OR5A1: variants seen among roughly 807,000 people sequenced by gnomAD.
OR5A1 encodes the protein olfactory receptor 5A1.
Under a neutral mutation model 6.7 loss-of-function variants are expected in OR5A1, and 6 were observed. The observed-to-expected ratio is 0.89, with a 90% CI of 0.49 to 1.76. OR5A1 has a LOEUF of 1.76. Among genes scored for constraint, OR5A1 ranks in the 40% most tolerant of loss-of-function variants. The pLI, the probability that OR5A1 is intolerant of heterozygous loss-of-function variation, is 0.01. For synonymous variants in OR5A1, 170 were observed against 155.0 expected (o/e 1.10, Z -0.72); for missense variants, 378 against 381.7 (o/e 0.99, Z 0.08).
chr11:59,438,031 T>C (rs1858439289), intron 1 of OR5A1, among the ~76,000 whole-genome samples: 1 of 152,156 alleles, frequency 6.6e-6, no homozygotes, highest in African/African-American at 2.4e-5. Flanking sequence ...CCCCTTTCTG[T>C]TGCTCTCTCT....
chr11:59,444,171 C>T lies in OR5A1; in HGVS notation c.*55C>T, dbSNP rs1858520914. 7 of 1,203,118 alleles carry T rather than the reference C, an allele frequency of 5.8e-6. No individual in the cohort carries two copies. The South Asian group carries it at 9.4e-5, about 16-fold the overall frequency. The allele number at this position is 1,203,118 out of a possible 1,614,324, so 74.5% of individuals were successfully genotyped here. A position where few individuals can be genotyped will look rare whatever the true frequency, so the allele number is the denominator to read the frequency against. On this transcript the variant is annotated 3_prime_UTR_variant, in exon 2 of 2. Coordinates refer to ENST00000641045, the MANE Select transcript of OR5A1 (RefSeq NM_001004728.2). ...TGCTGGAGAATTAAACAATCCAAGC[C>T]TTCACCTCCACCTCTGCCTCAGGCA...
At chr11:59,441,876 C>T (rs1858483256) in intron 1 of OR5A1, among the ~76,000 whole-genome samples, 1 of 151,120 alleles carries the variant, frequency 6.6e-6, no homozygotes, top group South Asian at 2.1e-4. Context: ...TTAGATGATA[C>T]ATGATGATGA....
rs2060937 is a variant in OR5A1 at position 59,442,218 on chromosome 11, G to A, written c.-33-918G>A. Among the ~76,000 whole-genome samples the A allele has an allele frequency of 4.5e-4, 69 of 152,268 alleles. 1 individual carries two copies. In the South Asian group the frequency reaches 5.4e-3, roughly 12 times the overall value. ...TCCCAGCACTTTGGGAGGCTGAGGC[G>A]GGCGGATCGCCCAAGGTCGTTCGAG... On this transcript the variant is annotated intron_variant, in intron 1 of 1. Transcript: ENST00000641045.
In OR5A1 at chr11:59,450,385, C is replaced by T. The variant is rs1437212260; in HGVS notation, c.*6269C>T. 6.6e-6 allele frequency: 1 copy of T among 152,102 alleles called. No individual in the cohort carries two copies. The highest frequency in any genetic ancestry group is 1.5e-5 in the Non-Finnish European group (1 of 68,018). The allele number at this position is 152,102 out of a possible 1,614,324, so 9.4% of individuals were successfully genotyped here. A position where few individuals can be genotyped will look rare whatever the true frequency, so the allele number is the denominator to read the frequency against. On this transcript the variant is annotated 3_prime_UTR_variant, in exon 2 of 2. Transcript: ENST00000641045. ...ATTCCAGGTTCTCCTCTGGGTGCCT[C>T]CAGCCAATGCCTCATGGAGCCATAA...
rs897724255 is a variant in OR5A1, at chr11:59,446,777, T to C, written c.*2661T>C. 3.3e-5 allele frequency: 5 copies of C among 152,226 alleles called. No homozygotes were observed. The highest frequency in any genetic ancestry group is 1.2e-4 in the African/African-American group (5 of 41,450). The allele number at this position is 152,226 out of a possible 1,614,324, so 9.4% of individuals were successfully genotyped here. ...AACTATTTCTGCTGGTAAATCTCTCTCTCTGGCTACTTGTAACGCATTCAC... is the reference window on the plus strand; with the variant it reads ...AACTATTTCTGCTGGTAAATCTCTCCCTCTGGCTACTTGTAACGCATTCAC... On this transcript the variant is annotated 3_prime_UTR_variant, in exon 2 of 2. Coordinates refer to ENST00000641045, the MANE Select transcript of OR5A1 (RefSeq NM_001004728.2).
In OR5A1 at chr11:59,436,687, T is replaced by C. The variant is rs1386261089; in HGVS notation, c.-182T>C. On this transcript the variant is annotated 5_prime_UTR_variant, in exon 1 of 2. Coordinates refer to ENST00000641045, the MANE Select transcript of OR5A1 (RefSeq NM_001004728.2). ...ATGCACCAAGAGGATATTTTGATCC[T>C]TGATGAAAAAACCAGCCGCAAGCTC... 6.6e-6 allele frequency: 1 copy of C among 152,210 alleles called. No individual in the cohort carries two copies. The allele number at this position is 152,210 out of a possible 1,614,324, so 9.4% of individuals were successfully genotyped here.
intron 1 of OR5A1, among the ~76,000 whole-genome samples, chr11:59,442,630 C>CACA (rs564408472): frequency 7.8e-4 from 119 of 152,270 alleles, no homozygotes; most frequent in African/African-American, 2.7e-3. Flanking sequence ...TTAATCGTTT[C>CACA]ACAACTACAT....
Position 59,446,249 on chromosome 11 carries a change from C to T in OR5A1, c.*2133C>T, listed in dbSNP as rs899889619. ...CCATTTATTAGATAGGGAATCCTTT[C>T]CCCATTGCTTGTCTTTATCAGGTTT... On this transcript the variant is annotated 3_prime_UTR_variant, in exon 2 of 2. Coordinates refer to ENST00000641045, the MANE Select transcript of OR5A1 (RefSeq NM_001004728.2). 1.3e-5 allele frequency: 2 copies of T among 152,146 alleles called. No individual in the cohort carries two copies. The highest frequency in any genetic ancestry group is 2.9e-5 in the Non-Finnish European group (2 of 68,020). 9.4% of individuals were successfully genotyped at this position (152,146 alleles called of 1,614,324 possible).
chr11:59,448,124 G>T lies in OR5A1; in HGVS notation c.*4008G>T, dbSNP rs1467646458. 6.6e-6 allele frequency: 1 copy of T among 152,170 alleles called. No individual in the cohort carries two copies. The highest frequency in any genetic ancestry group is 6.5e-5 in the Admixed American group (1 of 15,274). The allele number at this position is 152,170 out of a possible 1,614,324, so 9.4% of individuals were successfully genotyped here. A position where few individuals can be genotyped will look rare whatever the true frequency, so the allele number is the denominator to read the frequency against. On this transcript the variant is annotated 3_prime_UTR_variant, in exon 2 of 2. Transcript: ENST00000641045. ...TTTGTATTGGTCCACATTCAAAGCC[G>T]TCCTGGGCCGCATGAAGCCCACGGG...
At chr11:59,439,503 C>T (rs1430790312) in intron 1 of OR5A1, among the ~76,000 whole-genome samples, 1 of 152,198 alleles carries the variant, frequency 6.6e-6, no homozygotes, top group African/African-American at 2.4e-5. Flanking sequence ...ATAAAACTTC[C>T]TTTCCCTCTC....
In OR5A1 at chr11:59,443,747, T is replaced by G. The variant is rs1461306009; in HGVS notation, c.579T>G (p.Ser193=). ...CACCAGTCCTGGCTCTGTCTTGCTC[T>G]GACACCTTCCTCAGTCAAGTGGTGA... is the stretch of plus-strand genomic sequence containing the variant. The part of the protein sequence containing the change: ...DLPPVLALSC[S]DTFLSQVVNF... The change falls in exon 2 of 2, where the codon TCT becomes TCG. Residue 193 remains serine (S), a synonymous_variant. Coordinates refer to ENST00000641045, the MANE Select transcript of OR5A1 (RefSeq NM_001004728.2). 6.2e-7 allele frequency: 1 copy of G among 1,614,160 alleles called. No homozygotes were observed. Among genetic ancestry groups the G allele is most frequent in the South Asian group, 1.1e-5 (1 of 91,086 alleles).
intron 1 of OR5A1, among the ~76,000 whole-genome samples, chr11:59,438,760 C>T (rs10792241): frequency 0.92 from 139,487 of 152,234 alleles, 64,635 homozygotes; most frequent in Non-Finnish European, 0.99. Context: ...ACACTTTACA[C>T]AGCAGATTTT....
rs777380839 is a variant in OR5A1 at position 59,443,795 on chromosome 11, C to T, written c.627C>T (p.Val209=). ...TGAATTTCCTCGTGGTGGTCACTGT[C>T]GGAGGAACATCGTTCCTCCAACTCC... ...QVVNFLVVVT[V]GGTSFLQLLI... Residue 209 remains valine, a synonymous_variant, in exon 2 of 2, where the codon GTC becomes GTT. Transcript: ENST00000641045. The T allele has an allele frequency of 5.6e-6, 9 of 1,613,794 alleles. No homozygotes were observed. The highest frequency in any genetic ancestry group is 2.7e-5 in the African/African-American group (2 of 74,890).
In OR5A1 at chr11:59,443,235, C is replaced by A; in HGVS notation, c.67C>A (p.His23Asn). 1 of 1,614,108 alleles carries A rather than the reference C, an allele frequency of 6.2e-7. No individual in the cohort carries two copies. The highest frequency in any genetic ancestry group is 1.1e-5 in the South Asian group (1 of 91,078). ...GTTCATCCTCCTGGGATTCACAGACCATCCAGAACTCCAGGCCCTCCTCTT... is the reference window on the plus strand; with the variant it reads ...GTTCATCCTCCTGGGATTCACAGACAATCCAGAACTCCAGGCCCTCCTCTT... ...TMFILLGFTDHPELQALLFVT... is the reference protein window; with the variant it reads ...TMFILLGFTDNPELQALLFVT... Residue 23 changes from histidine to asparagine, a missense_variant, in exon 2 of 2, where the codon CAT (histidine) becomes AAT (asparagine). His to Asn is a moderately conservative substitution (Grantham distance 68). Transcript: ENST00000641045.
Position 59,450,599 on chromosome 11 carries a change from A to G in OR5A1, c.*6483A>G, listed in dbSNP as rs932399948. On this transcript the variant is annotated 3_prime_UTR_variant, in exon 2 of 2. Transcript: ENST00000641045. ...AATACTTTTTCTGATTTTCATAATCAGAAGCCATTTAAAATCATTTTTTTA... is the reference window on the plus strand; with the variant it reads ...AATACTTTTTCTGATTTTCATAATCGGAAGCCATTTAAAATCATTTTTTTA... 1 of 152,240 alleles carries G rather than the reference A, an allele frequency of 6.6e-6. No individual in the cohort carries two copies. The highest frequency in any genetic ancestry group is 1.5e-5 in the Non-Finnish European group (1 of 68,042). 9.4% of individuals were successfully genotyped at this position (152,240 alleles called of 1,614,324 possible).
At position 59,451,112 on chromosome 11, in the gene OR5A1, C is replaced by T. The variant is rs948749865; in HGVS notation, c.*6996C>T. 6.6e-6 allele frequency: 1 copy of T among 152,210 alleles called. No individual in the cohort carries two copies. The highest frequency in any genetic ancestry group is 2.4e-5 in the African/African-American group (1 of 41,446). 9.4% of individuals were successfully genotyped at this position (152,210 alleles called of 1,614,324 possible). A position where few individuals can be genotyped will look rare whatever the true frequency, so the allele number is the denominator to read the frequency against. On this transcript the variant is annotated 3_prime_UTR_variant, in exon 2 of 2. Transcript: ENST00000641045. The stretch of plus-strand genomic sequence containing the variant: ...AGAAATGCTGCCTATGTGTGCACTC[C>T]TATTAATCATATGAAAGTGTCACTT...
intron 1 of OR5A1, among the ~76,000 whole-genome samples, chr11:59,440,781 C>G (rs1858473677): frequency 6.6e-6 from 1 of 152,222 alleles, no homozygotes; most frequent in African/African-American, 2.4e-5. Context: ...AGAAAGTTCA[C>G]AAACCTTTCA....
In OR5A1 at chr11:59,450,660, T is replaced by A. The variant is rs1858605907; in HGVS notation, c.*6544T>A. 6.6e-6 allele frequency: 1 copy of A among 152,198 alleles called. No homozygotes were observed. 9.4% of individuals were successfully genotyped at this position (152,198 alleles called of 1,614,324 possible). A position where few individuals can be genotyped will look rare whatever the true frequency, so the allele number is the denominator to read the frequency against. On this transcript the variant is annotated 3_prime_UTR_variant, in exon 2 of 2. Transcript: ENST00000641045. ...ACAGAACGTCTTTTTAAAATAAAAA[T>A]GCCAAAATCCAATTACCAACAGATA...
chr11:59,440,370 C>A (rs527774031), intron 1 of OR5A1, among the ~76,000 whole-genome samples: 3 of 152,346 alleles, frequency 2.0e-5, no homozygotes, highest in East Asian at 3.9e-4. Flanking sequence ...CCACACCTGG[C>A]TAGTAGTCAC....
Sources: gnomAD v4.1 joint callset for allele counts (sites outside exome capture counted in the v4.1 genomes callset) on GRCh38, gnomAD v4.1.1 for gene constraint, MANE v1.5 for transcripts, NCBI Gene and HGNC (gene_info 2026-07-23, HGNC 2026-07-21) for gene names.